The following COL8A1 variants were observed in gnomAD, a reference collection of about 807,000 sequenced individuals.
COL8A1 encodes collagen type VIII alpha 1 chain.
In COL8A1, 21 loss-of-function variants were observed where a neutral mutation model predicts 42.7. That is an observed-to-expected ratio of 0.49 (90% CI 0.35 to 0.71). The LOEUF (loss-of-function observed/expected upper bound fraction) is 0.71. Ranked by LOEUF, COL8A1 falls within the 30% of genes least tolerant of loss-of-function variation. The probability of loss-of-function intolerance (pLI) is 0.01; values close to 1 mark genes in which losing one functional copy is unlikely to be tolerated. For missense variants in COL8A1, 788 were observed against 962.4 expected (o/e 0.82, Z 2.40); for synonymous variants, 367 against 369.1 (o/e 0.99, Z 0.06).
chr3:99,659,971 T>G (rs950697073), intron 1 of COL8A1, among the ~76,000 whole-genome samples: 6 of 152,198 alleles, frequency 3.9e-5, no homozygotes, highest in Non-Finnish European at 7.3e-5. Context: ...AATCAAACCT[T>G]TTAGGTGTAA....
intron 1 of COL8A1, among the ~76,000 whole-genome samples, chr3:99,672,707 T>C (rs1429106120): frequency 6.6e-6 from 1 of 152,044 alleles, no homozygotes; most frequent in African/African-American, 2.4e-5. Context: ...TTCCATTTGT[T>C]GCATTAACTA....
In COL8A1 at chr3:99,700,913, GA is replaced by G. The variant is rs543987236; in HGVS notation, c.-128-43983del. ...TTCCGTCTCTACACGTGGGCTGCCT[GA>G]CTTACACTTGGTAAGTTCTAGTAGC... On this transcript the variant is annotated intron_variant, in intron 1 of 3. Coordinates refer to ENST00000652472, the MANE Select transcript of COL8A1 (RefSeq NM_020351.4). 9.9e-5 allele frequency among the ~76,000 whole-genome samples: 15 copies of G among 152,260 alleles called. No individual in the cohort carries two copies. The East Asian group carries it at 2.5e-3, about 26-fold the overall frequency.
intron 1 of COL8A1, among the ~76,000 whole-genome samples, chr3:99,697,052 T>C (rs1356612957): frequency 7.2e-6 from 1 of 139,618 alleles, no homozygotes; most frequent in Non-Finnish European, 1.5e-5. Flanking sequence ...AGTGGCGGGA[T>C]CTCGGCTCAC....
chr3:99,657,676 G>A (rs1218378610), intron 1 of COL8A1, among the ~76,000 whole-genome samples: 3 of 152,122 alleles, frequency 2.0e-5, no homozygotes, highest in Non-Finnish European at 2.9e-5. Context: ...TACAGTAGAG[G>A]AGCTATTTAT....
intron 2 of COL8A1, among the ~76,000 whole-genome samples, chr3:99,745,442 A>G (rs1338657398): frequency 1.3e-5 from 2 of 152,240 alleles, no homozygotes; most frequent in African/African-American, 4.8e-5. Flanking sequence ...GATTTGTAAC[A>G]TAAATAATTC....
chr3:99,660,491 C>T (rs1938171257), intron 1 of COL8A1, among the ~76,000 whole-genome samples: 1 of 152,156 alleles, frequency 6.6e-6, no homozygotes, highest in Admixed American at 6.5e-5. Context: ...CCTAGCCTTT[C>T]CAGCCCCTAA....
intron 1 of COL8A1, among the ~76,000 whole-genome samples, chr3:99,642,023 C>T (rs1292074520): frequency 6.6e-6 from 1 of 152,106 alleles, no homozygotes; most frequent in African/African-American, 2.4e-5. Context: ...TTTAAAGAAC[C>T]TGTTCAAAAG....
At chr3:99,677,484 G>T (rs1938736061) in intron 1 of COL8A1, among the ~76,000 whole-genome samples, 2 of 152,084 alleles carry the variant, frequency 1.3e-5, no homozygotes, top group African/African-American at 2.4e-5. Context: ...TACAGGGAGA[G>T]TGAAAAATAA....
At chr3:99,706,277 G>A (rs1290234160) in intron 1 of COL8A1, among the ~76,000 whole-genome samples, 1 of 152,166 alleles carries the variant, frequency 6.6e-6, no homozygotes, top group Admixed American at 6.5e-5. Flanking sequence ...TTAATCTCTG[G>A]TTCAGGTCTT....
intron 1 of COL8A1, among the ~76,000 whole-genome samples, chr3:99,730,918 C>A (rs1204014251): frequency 1.3e-5 from 2 of 152,052 alleles, no homozygotes; most frequent in African/African-American, 2.4e-5. Flanking sequence ...ATATAGTTTA[C>A]AATTTCTGTT....
chr3:99,772,816 G>A (rs893596587), intron 2 of COL8A1, among the ~76,000 whole-genome samples: 3 of 152,134 alleles, frequency 2.0e-5, no homozygotes, highest in Non-Finnish European at 2.9e-5. Flanking sequence ...GCCTCCTGGA[G>A]AGGATATTGC....
intron 1 of COL8A1, among the ~76,000 whole-genome samples, chr3:99,692,717 T>C (rs1178016461): frequency 1.3e-5 from 2 of 152,232 alleles, no homozygotes; most frequent in Non-Finnish European, 2.9e-5. Flanking sequence ...AGACCGCATA[T>C]ATTACAGTAG....
At chr3:99,671,304 A>T (rs1296021877) in intron 1 of COL8A1, among the ~76,000 whole-genome samples, 2 of 151,986 alleles carry the variant, frequency 1.3e-5, no homozygotes, top group Admixed American at 6.6e-5. Context: ...TGATGAGAGG[A>T]TGTTCTAAGG....
chr3:99,654,927 T>C (rs971324013), intron 1 of COL8A1, among the ~76,000 whole-genome samples: 16 of 152,176 alleles, frequency 1.1e-4, no homozygotes, highest in Admixed American at 1.0e-3. Context: ...ATCTCAGTTT[T>C]GTTTGGTTAG....
At chr3:99,727,066 C>G (rs559626486) in intron 1 of COL8A1, among the ~76,000 whole-genome samples, 7 of 151,812 alleles carry the variant, frequency 4.6e-5, no homozygotes, top group Admixed American at 3.9e-4. Flanking sequence ...TCTTCCATTT[C>G]TTTGTATCCT....
chr3:99,790,292 G>A (rs1576478001), intron 2 of COL8A1, among the ~76,000 whole-genome samples: 1 of 152,200 alleles, frequency 6.6e-6, no homozygotes, highest in Non-Finnish European at 1.5e-5. Context: ...TTCCTGGAAG[G>A]TACACCCATG....
intron 1 of COL8A1, among the ~76,000 whole-genome samples, chr3:99,682,260 A>G (rs1428290987): frequency 6.6e-6 from 1 of 152,074 alleles, no homozygotes; most frequent in Non-Finnish European, 1.5e-5. Context: ...ACTAAAAAAC[A>G]AAAAGAATTA....
intron 1 of COL8A1, among the ~76,000 whole-genome samples, chr3:99,671,641 G>T (rs982832654): frequency 6.6e-6 from 1 of 151,908 alleles, no homozygotes; most frequent in Non-Finnish European, 1.5e-5. Context: ...CTGTTTCTAT[G>T]AGTTTGACTT....
chr3:99,669,146 T>TATATATAGAGAGAGAGAGAGAGAG, intron 1 of COL8A1, among the ~76,000 whole-genome samples: 2 of 115,364 alleles, frequency 1.7e-5, no homozygotes, highest in Admixed American at 9.5e-5. Flanking sequence ...TATATATATA[T>TATATATAGAGAGAGAGAGAGAGAG]AGAGGGAGAG....
Sources: gnomAD v4.1 joint callset for allele counts (sites outside exome capture counted in the v4.1 genomes callset) on GRCh38, gnomAD v4.1.1 for gene constraint, MANE v1.5 for transcripts, NCBI Gene and HGNC (gene_info 2026-07-23, HGNC 2026-07-21) for gene names.